MDGA2: variants seen among roughly 807,000 people sequenced by gnomAD.
The protein encoded by MDGA2 is MAM domain-containing glycosylphosphatidylinositol anchor protein 2.
A neutral mutation model predicts 117.8 loss-of-function variants in MDGA2; 40 were observed. That is an observed-to-expected ratio of 0.34 (90% confidence interval 0.26 to 0.44). The LOEUF is 0.44. Ranked by LOEUF, MDGA2 falls within the 20% of genes least tolerant of loss-of-function variation. The pLI, the probability that MDGA2 is intolerant of heterozygous loss-of-function variation, is 1.00. For synonymous variants in MDGA2, 452 were observed against 439.0 expected (o/e 1.03, Z -0.37); for missense variants, 1,123 against 1,250.6 (o/e 0.90, Z 1.54).
intron 5 of MDGA2, among the ~76,000 whole-genome samples, chr14:47,125,020 A>G (rs1334337875): frequency 6.6e-6 from 1 of 152,090 alleles, no homozygotes; most frequent in Non-Finnish European, 1.5e-5. Context: ...ATTTTCACAA[A>G]CCTAAATAGT....
chr14:46,956,185 A>C (rs1885556143), intron 9 of MDGA2, among the ~76,000 whole-genome samples: 1 of 152,138 alleles, frequency 6.6e-6, no homozygotes, highest in South Asian at 2.1e-4. Context: ...GGAACATTTT[A>C]ATCATTTTTA....
At chr14:46,956,587 G>GA (rs1039161456) in intron 9 of MDGA2, among the ~76,000 whole-genome samples, 3 of 146,416 alleles carry the variant, frequency 2.0e-5, no homozygotes, top group Admixed American at 6.8e-5. Context: ...ATAAACAAAA[G>GA]AAAAAAAATT....
chr14:47,448,071 T>C (rs1422609068), intron 1 of MDGA2, among the ~76,000 whole-genome samples: 1 of 152,060 alleles, frequency 6.6e-6, no homozygotes, highest in African/African-American at 2.4e-5. Context: ...TGGGTCTTGG[T>C]GAGAAGGATA....
At chr14:47,126,646 A>T (rs1365640496) in intron 5 of MDGA2, among the ~76,000 whole-genome samples, 1 of 152,132 alleles carries the variant, frequency 6.6e-6, no homozygotes, top group Non-Finnish European at 1.5e-5. Flanking sequence ...GTTCTAGATA[A>T]TTAATTTCTA....
At chr14:46,997,765 A>G (rs1178137972) in intron 8 of MDGA2, among the ~76,000 whole-genome samples, 3 of 152,190 alleles carry the variant, frequency 2.0e-5, no homozygotes, top group Non-Finnish European at 4.4e-5. Context: ...TGTACCAAAT[A>G]AGTGCATTCA....
At chr14:47,100,436 TTGA>T (rs1566623875) in intron 5 of MDGA2, among the ~76,000 whole-genome samples, 17 of 152,144 alleles carry the variant, frequency 1.1e-4, no homozygotes, top group African/African-American at 3.6e-4. Flanking sequence ...CATGTGTTAA[TTGA>T]ATTATCTCAT....
At chr14:46,972,026 T>C (rs1886288521) in intron 8 of MDGA2, among the ~76,000 whole-genome samples, 2 of 152,168 alleles carry the variant, frequency 1.3e-5, no homozygotes, top group Admixed American at 1.3e-4. Context: ...TGAGTTCATC[T>C]AGTCAACTAT....
chr14:47,358,068 C>G (rs937295692), intron 1 of MDGA2, among the ~76,000 whole-genome samples: 2 of 152,198 alleles, frequency 1.3e-5, no homozygotes, highest in African/African-American at 4.8e-5. Flanking sequence ...GGAAGAAGCT[C>G]TGCCCCAGAA....
At chr14:47,117,434 A>G (rs973032985) in intron 5 of MDGA2, among the ~76,000 whole-genome samples, 1 of 152,180 alleles carries the variant, frequency 6.6e-6, no homozygotes, top group African/African-American at 2.4e-5. Context: ...CAGGATCTCA[A>G]AGATATATTA....
At chr14:46,983,963 A>G (rs1464294919) in intron 8 of MDGA2, among the ~76,000 whole-genome samples, 2 of 152,022 alleles carry the variant, frequency 1.3e-5, no homozygotes, top group Non-Finnish European at 2.9e-5. Flanking sequence ...TATATTAATT[A>G]TAACTAATCT....
intron 7 of MDGA2, among the ~76,000 whole-genome samples, chr14:47,048,527 T>G (rs896695913): frequency 2.0e-5 from 3 of 152,086 alleles, no homozygotes; most frequent in Non-Finnish European, 2.9e-5. Flanking sequence ...CTCTTATAAA[T>G]GATCACCCTG....
At chr14:46,911,270 C>A (rs986879978) in intron 10 of MDGA2, among the ~76,000 whole-genome samples, 1 of 152,142 alleles carries the variant, frequency 6.6e-6, no homozygotes, top group Admixed American at 6.6e-5. Context: ...TCTGATAAAG[C>A]AATTTAAACA....
At chr14:47,361,352 G>A (rs1453523601) in intron 1 of MDGA2, among the ~76,000 whole-genome samples, 1 of 151,924 alleles carries the variant, frequency 6.6e-6, no homozygotes, top group African/African-American at 2.4e-5. Context: ...TCAGAAGAAA[G>A]CAACCCTGCC....
rs11847825 is a variant in MDGA2, at chr14:47,458,969, T to A, written c.281-157419A>T. Among the ~76,000 whole-genome samples, 227 of 150,632 alleles carry A rather than the reference T, an allele frequency of 1.5e-3. 2 individuals are homozygous for A. The highest frequency in any genetic ancestry group is 5.3e-3 in the African/African-American group (216 of 40,950). On this transcript the variant is annotated intron_variant, in intron 1 of 16. Transcript: ENST00000399232. ...TTCTGTGGGATGAAGGTATATTTTCTTCTGCCCTTCAATAGTTCTTTAACT... is the reference window on the plus strand; with the variant it reads ...TTCTGTGGGATGAAGGTATATTTTCATCTGCCCTTCAATAGTTCTTTAACT...
chr14:47,371,601 A>T (rs759065214), intron 1 of MDGA2, among the ~76,000 whole-genome samples: 6 of 151,758 alleles, frequency 4.0e-5, no homozygotes, highest in Non-Finnish European at 5.9e-5. Context: ...ATATCTCTGA[A>T]ATTCTCTCAC....
intron 5 of MDGA2, among the ~76,000 whole-genome samples, chr14:47,101,711 A>G (rs575948886): frequency 7.9e-5 from 12 of 152,344 alleles, no homozygotes; most frequent in African/African-American, 2.9e-4. Context: ...GGATTCAGAC[A>G]TCATGCTCCA....
At chr14:47,572,611 C>T (rs1323496872) in intron 1 of MDGA2, among the ~76,000 whole-genome samples, 5 of 152,050 alleles carry the variant, frequency 3.3e-5, no homozygotes, top group Non-Finnish European at 5.9e-5. Flanking sequence ...GTAGAAATTC[C>T]ACCAAATCCT....
intron 10 of MDGA2, among the ~76,000 whole-genome samples, chr14:46,900,481 T>C (rs989779531): frequency 4.6e-5 from 7 of 152,124 alleles, no homozygotes; most frequent in African/African-American, 1.7e-4. Context: ...GAAAGAATTA[T>C]TAAACAAACT....
intron 5 of MDGA2, among the ~76,000 whole-genome samples, chr14:47,124,692 G>C (rs1448103913): frequency 2.0e-5 from 3 of 152,020 alleles, no homozygotes. Context: ...GGTAAATGAG[G>C]TCCTAAGGAT....
Sources: gnomAD v4.1 joint callset for allele counts (sites outside exome capture counted in the v4.1 genomes callset) on GRCh38, gnomAD v4.1.1 for gene constraint, MANE v1.5 for transcripts, NCBI Gene and HGNC (gene_info 2026-07-23, HGNC 2026-07-21) for gene names.